The following EML6 variants were observed in gnomAD, a reference collection of about 807,000 sequenced individuals.
The protein encoded by EML6 is echinoderm microtubule-associated protein-like 6.
A neutral mutation model predicts 240.1 loss-of-function variants in EML6; 154 were observed. That is an observed-to-expected ratio of 0.64 (90% CI 0.56 to 0.73). The LOEUF is 0.73. Ranked by LOEUF, EML6 falls within the 30% of genes least tolerant of loss-of-function variation. EML6 has a pLI of 0.00. For synonymous variants in EML6, 1,148 were observed against 899.0 expected (o/e 1.28, Z -4.95); for missense variants, 2,964 against 2,474.6 (o/e 1.20, Z -4.20).
chr2:54,730,663 C>T (rs565252966), intron 2 of EML6, among the ~76,000 whole-genome samples: 5 of 152,266 alleles, frequency 3.3e-5, no homozygotes, highest in South Asian at 4.1e-4. Context: ...TTGGAAAGAG[C>T]GCAAAGTGAA....
chr2:54,794,198 G>A (rs766638537), intron 2 of EML6, among the ~76,000 whole-genome samples: 6 of 152,146 alleles, frequency 3.9e-5, no homozygotes, highest in Non-Finnish European at 7.3e-5. Flanking sequence ...TGGTCATGCA[G>A]CAGGGGAGCT....
chr2:54,735,969 A>G (rs1422430610), intron 2 of EML6, among the ~76,000 whole-genome samples: 1 of 152,190 alleles, frequency 6.6e-6, no homozygotes, highest in Non-Finnish European at 1.5e-5. Flanking sequence ...GCGGTTTGGC[A>G]GGGAGGTGGA....
chr2:54,935,508 C>G (rs1355937994), intron 28 of EML6, among the ~76,000 whole-genome samples: 2 of 152,136 alleles, frequency 1.3e-5, no homozygotes, highest in African/African-American at 4.8e-5. Flanking sequence ...AGCAAAAATT[C>G]AACCAAATCA....
chr2:54,961,184 G>GTTGTTTTTTTT, intron 35 of EML6, among the ~76,000 whole-genome samples: 2,325 of 55,366 alleles, frequency 0.042, 893 homozygotes, highest in South Asian at 0.049. Context: ...TCAGGAAGTA[G>GTTGTTTTTTTT]TTTTTTTTTT....
chr2:54,815,678 G>A (rs574215066), intron 3 of EML6, among the ~76,000 whole-genome samples: 1 of 152,046 alleles, frequency 6.6e-6, no homozygotes, highest in Non-Finnish European at 1.5e-5. Flanking sequence ...AATTTCTTAA[G>A]GACACATTAA....
chr2:54,906,330 G>C (rs1437466864), intron 24 of EML6, among the ~76,000 whole-genome samples: 2 of 152,208 alleles, frequency 1.3e-5, no homozygotes, highest in East Asian at 3.8e-4. Context: ...GGGATATAAA[G>C]AGAAGTAAGT....
intron 2 of EML6, among the ~76,000 whole-genome samples, chr2:54,733,067 C>T (rs1312569505): frequency 6.6e-6 from 1 of 152,160 alleles, no homozygotes; most frequent in African/African-American, 2.4e-5. Flanking sequence ...TGGATGACCT[C>T]AACTAGAATT....
intron 7 of EML6, among the ~76,000 whole-genome samples, chr2:54,841,355 G>C (rs1192959321): frequency 6.6e-6 from 1 of 152,198 alleles, no homozygotes. Context: ...ACCATTTCAA[G>C]ACCTGTAGCA....
chr2:54,851,903 G>T (rs1009973408), intron 10 of EML6, among the ~76,000 whole-genome samples: 1 of 152,142 alleles, frequency 6.6e-6, no homozygotes, highest in South Asian at 2.1e-4. Flanking sequence ...TACTCCCATC[G>T]TAACACAGAT....
At chr2:54,786,585 G>T (rs1669103724) in intron 2 of EML6, among the ~76,000 whole-genome samples, 4 of 152,174 alleles carry the variant, frequency 2.6e-5, no homozygotes, top group Admixed American at 2.6e-4. Context: ...GGTATAGGGA[G>T]GTGGACAGTT....
intron 36 of EML6, 43 bp from the exon 37 acceptor site, chr2:54,963,943 A>AG (rs1383821177): frequency 6.6e-7 from 1 of 1,516,960 alleles, no homozygotes; most frequent in Non-Finnish European, 8.9e-7. Context: ...AGACCAGCTG[A>AG]GGGGGCCAAG....
At chr2:54,909,553 A>C (rs1673528442) in intron 24 of EML6, among the ~76,000 whole-genome samples, 1 of 152,218 alleles carries the variant, frequency 6.6e-6, no homozygotes, top group Non-Finnish European at 1.5e-5. Flanking sequence ...TCTTAAGATT[A>C]GCCAAGCTAG....
At chr2:54,913,542 G>A (rs1270495274) in intron 25 of EML6, among the ~76,000 whole-genome samples, 1 of 152,040 alleles carries the variant, frequency 6.6e-6, no homozygotes, top group Middle Eastern at 3.2e-3. Flanking sequence ...TTAGATTCTG[G>A]ATATTAGACC....
intron 28 of EML6, among the ~76,000 whole-genome samples, chr2:54,943,912 T>G (rs78720452): frequency 6.6e-6 from 1 of 152,252 alleles, no homozygotes; most frequent in Non-Finnish European, 1.5e-5. Context: ...ACATGTGGCA[T>G]TGGCTACTGA....
intron 28 of EML6, among the ~76,000 whole-genome samples, chr2:54,930,920 G>C (rs1573167512): frequency 2.6e-5 from 4 of 151,342 alleles, no homozygotes; most frequent in Admixed American, 2.6e-4. Flanking sequence ...AATTTTAGGG[G>C]AGACTGAACC....
intron 2 of EML6, among the ~76,000 whole-genome samples, chr2:54,733,665 C>A (rs1683264813): frequency 6.6e-6 from 1 of 152,142 alleles, no homozygotes; most frequent in Non-Finnish European, 1.5e-5. Flanking sequence ...TCCCAAAAAT[C>A]CACCTCAGTC....
intron 32 of EML6, among the ~76,000 whole-genome samples, chr2:54,957,435 G>A (rs1176823178): frequency 6.6e-6 from 1 of 151,726 alleles, no homozygotes; most frequent in Non-Finnish European, 1.5e-5. Flanking sequence ...CCTGTGGGGG[G>A]ACGACTCCTG....
At chr2:54,845,628 A>C (rs1025763091) in intron 8 of EML6, among the ~76,000 whole-genome samples, 8 of 152,210 alleles carry the variant, frequency 5.3e-5, no homozygotes, top group African/African-American at 1.7e-4. Context: ...TGGTTTCTTT[A>C]CTAGTAAAGC....
At chr2:54,853,410 A>G (rs895123739) in intron 10 of EML6, among the ~76,000 whole-genome samples, 1 of 151,286 alleles carries the variant, frequency 6.6e-6, no homozygotes, top group African/African-American at 2.4e-5. Context: ...AAGTCAGGAT[A>G]TTTAGGGATG....
Sources: allele counts gnomAD v4.1 joint callset (sites outside exome capture counted in the v4.1 genomes callset), GRCh38; gene constraint gnomAD v4.1.1; transcripts MANE v1.5; gene names NCBI Gene and HGNC (gene_info 2026-07-23, HGNC 2026-07-21).